ACTN4: variants seen among roughly 807,000 people sequenced by gnomAD.
The protein encoded by ACTN4 is alpha-actinin-4.
In ACTN4, 18 loss-of-function variants were observed where a neutral mutation model predicts 114.2. The ratio of observed to expected loss-of-function variants is 0.16; its 90% CI spans 0.11 to 0.23. ACTN4 has a LOEUF of 0.23. Ranked by LOEUF, ACTN4 falls within the 10% of genes least tolerant of loss-of-function variation. The probability of loss-of-function intolerance (pLI) is 1.00; values close to 1 mark genes in which losing one functional copy is unlikely to be tolerated. For missense variants in ACTN4, 722 were observed against 1,262.9 expected (o/e 0.57, Z 6.49); for synonymous variants, 515 against 506.3 (o/e 1.02, Z -0.23).
chr19:38,730,183 A>G lies in ACTN4; in HGVS notation c.*751A>G, dbSNP rs1252877838. The G allele has an allele frequency of 1.3e-5, 2 of 156,410 alleles. No individual in the cohort carries two copies. Among genetic ancestry groups the G allele is most frequent in the Non-Finnish European group, 2.8e-5 (2 of 70,478 alleles). The allele number at this position is 156,410 out of a possible 1,614,324, so 9.7% of individuals were successfully genotyped here. ...AAAACTATAAAAAAGAAAGAATTAA[A>G]AACTTTCAGAGAATTACTATTTACT... On this transcript the variant is annotated 3_prime_UTR_variant, in exon 21 of 21. Transcript: ENST00000252699.
chr19:38,724,101 C>A lies in ACTN4; in HGVS notation c.1692+24C>A, dbSNP rs776223437. ...AGGTTCGCACCCCCCGGCCCCCCAT[C>A]TTCCCAAGAGCCTCTGTGGGGCTGG... On this transcript the variant is annotated intron_variant, in intron 14 of 20. Transcript: ENST00000252699. This position sits in a 1 kb window ranked among gnomAD's most constrained non-coding sequence, Gnocchi z 7.0. 2 of 1,613,690 alleles carry A rather than the reference C, an allele frequency of 1.2e-6. No homozygotes were observed. Among genetic ancestry groups the A allele is most frequent in the East Asian group, 2.2e-5 (1 of 44,882 alleles).
chr19:38,717,386 T>A lies in ACTN4; in HGVS notation c.1143+70T>A, dbSNP rs1421930282. On this transcript the variant is annotated intron_variant, in intron 10 of 20. Transcript: ENST00000252699. This position sits in a 1 kb window ranked among gnomAD's most constrained non-coding sequence, Gnocchi z 4.0. ...CAGCCCTAGAACTGCCTGTGGGCAGTTTGGCCAGCGTAATCTTTCCTAAGT... is the reference window on the plus strand; with the variant it reads ...CAGCCCTAGAACTGCCTGTGGGCAGATTGGCCAGCGTAATCTTTCCTAAGT... 3 of 1,559,040 alleles carry A rather than the reference T, an allele frequency of 1.9e-6. No homozygotes were observed. The highest frequency in any genetic ancestry group is 2.6e-6 in the Non-Finnish European group (3 of 1,151,128).
In ACTN4 at chr19:38,731,022, G is replaced by T. The variant is rs1304804857; in HGVS notation, c.*1590G>T. On this transcript the variant is annotated 3_prime_UTR_variant, in exon 21 of 21. Transcript: ENST00000252699. ...CCCCATCCAGGTGCTGGCTGCAGTG[G>T]CCTGTGCAGAGAGGGGCAGGGTGAG... is the stretch of plus-strand genomic sequence containing the variant. 6.4e-7 allele frequency: 1 copy of T among 1,554,460 alleles called. No individual in the cohort carries two copies.
intron 1 of ACTN4, among the ~76,000 whole-genome samples, chr19:38,661,808 A>G (rs1976895261): frequency 6.6e-6 from 1 of 152,094 alleles, no homozygotes; most frequent in Non-Finnish European, 1.5e-5. Context: ...GCCCGCCACC[A>G]TGCCCGGCTA....
rs1211740378 is a variant in ACTN4, at chr19:38,727,591, C to T, written c.2338-355C>T. On this transcript the variant is annotated intron_variant, in intron 18 of 20. Coordinates refer to ENST00000252699, the MANE Select transcript of ACTN4 (RefSeq NM_004924.6). The surrounding 1 kb of genome is among the most constrained non-coding windows in gnomAD (Gnocchi z 5.4). ...GGCGCCCCCAGGACAGGATACAGTCCCCTCTGTCCCACTCCAAATCCCAAA... is the reference window on the plus strand; with the variant it reads ...GGCGCCCCCAGGACAGGATACAGTCTCCTCTGTCCCACTCCAAATCCCAAA... 6.6e-6 allele frequency among the ~76,000 whole-genome samples: 1 copy of T among 151,956 alleles called. No homozygotes were observed. The highest frequency in any genetic ancestry group is 1.9e-4 in the East Asian group (1 of 5,156).
At position 38,653,085 on chromosome 19, in the gene ACTN4, CA is replaced by C. The variant is rs3033329; in HGVS notation, c.162+5195del. Reference sequence around the variant, plus strand: ...TGAGTGACAGAACAAGACTCCATCTCAAAAAAAAAAAAAAAAATCAGATGAC... The same window carrying C: ...TGAGTGACAGAACAAGACTCCATCTCAAAAAAAAAAAAAAAATCAGATGAC... On this transcript the variant is annotated intron_variant, in intron 1 of 20. Transcript: ENST00000252699. 4.9e-3 allele frequency among the ~76,000 whole-genome samples: 611 copies of C among 125,124 alleles called. 1 individual carries two copies. Among genetic ancestry groups the C allele is most frequent in the African/African-American group, 0.016 (494 of 31,314 alleles). The allele number at this position is 125,124 out of a possible 152,430, so 82.1% of individuals were successfully genotyped here.
At chr19:38,681,646 G>T (rs965846682) in intron 1 of ACTN4, among the ~76,000 whole-genome samples, 2 of 152,176 alleles carry the variant, frequency 1.3e-5, no homozygotes, top group African/African-American at 4.8e-5. Flanking sequence ...GCTGTCCTCA[G>T]ATCACACCTC....
At chr19:38,673,488 C>T (rs1450482861) in intron 1 of ACTN4, among the ~76,000 whole-genome samples, 53 of 45,772 alleles carry the variant, frequency 1.2e-3, no homozygotes, top group East Asian at 8.8e-3. Context: ...TATATATATT[C>T]ATATATATTT....
chr19:38,707,097 T>C (rs1424591326), intron 5 of ACTN4, among the ~76,000 whole-genome samples: 1 of 152,184 alleles, frequency 6.6e-6, no homozygotes, highest in Non-Finnish European at 1.5e-5. Flanking sequence ...TCAGGCTCTC[T>C]GGGACCCTTG....
At chr19:38,725,636 C>T (rs962635212) in intron 16 of ACTN4, 88 bp from the exon 17 acceptor site, 8 of 1,488,466 alleles carry the variant, frequency 5.4e-6, no homozygotes, top group Non-Finnish European at 7.3e-6. Context: ...GGGGAAGATG[C>T]AGGCCAGCAG....
At chr19:38,661,905 G>A (rs1976899357) in intron 1 of ACTN4, among the ~76,000 whole-genome samples, 1 of 152,170 alleles carries the variant, frequency 6.6e-6, no homozygotes, top group Non-Finnish European at 1.5e-5. Flanking sequence ...GCCCGCCTCG[G>A]CTTCCCAAAG....
chr19:38,699,353 G>A (rs1295430610), intron 1 of ACTN4, among the ~76,000 whole-genome samples: 1 of 152,220 alleles, frequency 6.6e-6, no homozygotes, highest in Non-Finnish European at 1.5e-5. Context: ...ATCCCTTCCA[G>A]TTGATCATCA....
At position 38,717,466 on chromosome 19, in the gene ACTN4, G is replaced by A; in HGVS notation, c.1143+150G>A. 1 of 1,112,984 alleles carries A rather than the reference G, an allele frequency of 9.0e-7. No homozygotes were observed. The highest frequency in any genetic ancestry group is 1.3e-6 in the Non-Finnish European group (1 of 774,182). 68.9% of individuals were successfully genotyped at this position (1,112,984 alleles called of 1,614,324 possible). On this transcript the variant is annotated intron_variant, in intron 10 of 20. Coordinates refer to ENST00000252699, the MANE Select transcript of ACTN4 (RefSeq NM_004924.6). This position sits in a 1 kb window ranked among gnomAD's most constrained non-coding sequence, Gnocchi z 4.0. ...CTTTCGGATGCAGTGGTCGGGGAGG[G>A]GTGCACTTCACTCGGCATTGTGCTC...
At chr19:38,728,286 T>C (rs751146014) in intron 19 of ACTN4, 1 of 1,533,136 alleles carries the variant, frequency 6.5e-7, no homozygotes, top group Non-Finnish European at 8.8e-7. Context: ...GGGCCCGGCC[T>C]CCTCTGCTAT....
At chr19:38,728,067 C>CTG in intron 19 of ACTN4, 41 bp downstream of exon 19, 1 of 1,254,106 alleles carries the variant, frequency 8.0e-7, no homozygotes. Context: ...GCATTAACTG[C>CTG]TCTCTCTCTC....
Position 38,729,802 on chromosome 19 carries a change from C to T in ACTN4, c.*370C>T. The T allele has an allele frequency of 2.3e-6, 1 of 436,528 alleles. No individual in the cohort carries two copies. The highest frequency in any genetic ancestry group is 4.5e-6 in the Non-Finnish European group (1 of 222,678). The allele number at this position is 436,528 out of a possible 1,614,324, so 27.0% of individuals were successfully genotyped here. A position where few individuals can be genotyped will look rare whatever the true frequency, so the allele number is the denominator to read the frequency against. On this transcript the variant is annotated 3_prime_UTR_variant, in exon 21 of 21. Transcript: ENST00000252699. ...CTTTGCTCTGAGGTCCCTTCAAGGC[C>T]TCCCCAATCCAGGCCAAAGCCCCAT...
intron 1 of ACTN4, among the ~76,000 whole-genome samples, chr19:38,694,744 T>C (rs1968036467): frequency 6.6e-6 from 1 of 150,616 alleles, no homozygotes; most frequent in East Asian, 2.0e-4. Flanking sequence ...TGGAGATATA[T>C]CGCATGTGAT....
At position 38,729,806 on chromosome 19, in the gene ACTN4, C is replaced by T; in HGVS notation, c.*374C>T. The T allele has an allele frequency of 2.3e-6, 1 of 425,920 alleles. No homozygotes were observed. The highest frequency in any genetic ancestry group is 2.7e-5 in the Admixed American group (1 of 37,016). 26.4% of individuals were successfully genotyped at this position (425,920 alleles called of 1,614,324 possible). A position where few individuals can be genotyped will look rare whatever the true frequency, so the allele number is the denominator to read the frequency against. ...GCTCTGAGGTCCCTTCAAGGCCTCCCCAATCCAGGCCAAAGCCCCATGTGC... is the reference window on the plus strand; with the variant it reads ...GCTCTGAGGTCCCTTCAAGGCCTCCTCAATCCAGGCCAAAGCCCCATGTGC... On this transcript the variant is annotated 3_prime_UTR_variant, in exon 21 of 21. Coordinates refer to ENST00000252699, the MANE Select transcript of ACTN4 (RefSeq NM_004924.6).
At position 38,731,331 on chromosome 19, in the gene ACTN4, C is replaced by T; in HGVS notation, c.*1899C>T. Reference sequence around the variant, plus strand: ...GACATGAATGCCACAGGGTGTCACACCCCAACTCTGCCCCATCCCGGCAGG... The same window carrying T: ...GACATGAATGCCACAGGGTGTCACATCCCAACTCTGCCCCATCCCGGCAGG... On this transcript the variant is annotated 3_prime_UTR_variant, in exon 21 of 21. Transcript: ENST00000252699. The T allele has an allele frequency of 1.2e-6, 1 of 818,762 alleles. No homozygotes were observed. Among genetic ancestry groups the T allele is most frequent in the Non-Finnish European group, 2.1e-6 (1 of 483,430 alleles). The allele number at this position is 818,762 out of a possible 1,614,324, so 50.7% of individuals were successfully genotyped here. A position where few individuals can be genotyped will look rare whatever the true frequency, so the allele number is the denominator to read the frequency against.
Sources: gnomAD v4.1 joint callset for allele counts (sites outside exome capture counted in the v4.1 genomes callset) on GRCh38, gnomAD v4.1.1 for gene constraint, Gnocchi (gnomAD v3.1) non-coding constraint, MANE v1.5 for transcripts, NCBI Gene and HGNC (gene_info 2026-07-23, HGNC 2026-07-21) for gene names.